The following SH3D19 variants were observed in gnomAD, a reference collection of about 807,000 sequenced individuals.
SH3D19 encodes SH3 domain containing 19.
In SH3D19, 58 loss-of-function variants were observed where a neutral mutation model predicts 112.1. The observed-to-expected ratio is 0.52, with a 90% CI of 0.42 to 0.64. The LOEUF (loss-of-function observed/expected upper bound fraction) is 0.64, where lower values mean the gene tolerates loss of function less well. Among genes scored for constraint, SH3D19 ranks in the 30% least tolerant of loss-of-function variants. The probability of loss-of-function intolerance (pLI) is 0.00; values close to 1 mark genes in which losing one functional copy is unlikely to be tolerated. For missense variants in SH3D19, 1,090 were observed against 1,263.4 expected, an observed-to-expected ratio of 0.86 and a Z score of 2.08; for synonymous variants, 391 against 448.5, an observed-to-expected ratio of 0.87 and a Z score of 1.62.
At chr4:151,283,997 T>C (rs1774500667) in intron 1 of SH3D19, among the ~76,000 whole-genome samples, 2 of 152,230 alleles carry the variant, frequency 1.3e-5, no homozygotes, top group African/African-American at 2.4e-5. Flanking sequence ...GCTTTCAGTA[T>C]TTTTTCTTTA....
intron 1 of SH3D19, chr4:151,228,077 T>C (rs1451769676): frequency 1.0e-6 from 1 of 974,118 alleles, no homozygotes; most frequent in Non-Finnish European, 1.2e-6. Flanking sequence ...TCTACAGTCA[T>C]TTTTATACTT....
intron 2 of SH3D19, among the ~76,000 whole-genome samples, chr4:151,195,046 C>T (rs886779081): frequency 6.8e-6 from 1 of 147,744 alleles, no homozygotes; most frequent in Non-Finnish European, 1.5e-5. Context: ...TGCACTCCAG[C>T]CTAGGCGACA....
intron 2 of SH3D19, among the ~76,000 whole-genome samples, chr4:151,221,159 G>C (rs774203448): frequency 2.0e-5 from 3 of 152,128 alleles, no homozygotes; most frequent in Non-Finnish European, 4.4e-5. Flanking sequence ...ACAGGCAGAC[G>C]TCCCAGATTT....
chr4:151,154,340 G>T (rs1755664490), intron 9 of SH3D19, among the ~76,000 whole-genome samples: 1 of 150,616 alleles, frequency 6.6e-6, no homozygotes, highest in Non-Finnish European at 1.5e-5. Flanking sequence ...CTCCATGTTG[G>T]TCAGGCTGGT....
rs1730737216 is a variant in SH3D19, at chr4:151,323,330, A to T, written c.112+1911T>A. On this transcript the variant is annotated intron_variant, in intron 1 of 19. Transcript: ENST00000604030. ...GGAAAAGTGAAAAACTGAAAAGGTG[A>T]TGCAGAAAAAACATGAAGCTTCTGC... Among the ~76,000 whole-genome samples the T allele has an allele frequency of 2.0e-5, 3 of 152,344 alleles. 1 individual carries two copies. In the South Asian group the frequency reaches 6.2e-4, roughly 32 times the overall value.
chr4:151,166,287 GAT>G (rs1758009697), intron 7 of SH3D19: 1 of 152,180 alleles, frequency 6.6e-6, no homozygotes, highest in African/African-American at 2.4e-5. Flanking sequence ...TTGGGGGAAG[GAT>G]ATATGACTCG....
At chr4:151,136,593 A>G (rs1751904811) in intron 14 of SH3D19, among the ~76,000 whole-genome samples, 1 of 152,002 alleles carries the variant, frequency 6.6e-6, no homozygotes, top group East Asian at 1.9e-4. Flanking sequence ...TGAATTTTAA[A>G]GTTTTGAAGT....
intron 8 of SH3D19, among the ~76,000 whole-genome samples, chr4:151,164,036 G>C (rs1291891854): frequency 6.6e-6 from 1 of 152,154 alleles, no homozygotes; most frequent in Admixed American, 6.5e-5. Context: ...CTACTTGGCT[G>C]AGAGCCATCA....
At chr4:151,314,607 C>T (rs1231401870) in intron 1 of SH3D19, among the ~76,000 whole-genome samples, 4 of 152,158 alleles carry the variant, frequency 2.6e-5, no homozygotes, top group African/African-American at 9.7e-5. Flanking sequence ...AGGAAGGAAA[C>T]AATAAGATCA....
chr4:151,138,684 T>TCACACACACA (rs1491306799), intron 13 of SH3D19, among the ~76,000 whole-genome samples: 13 of 135,780 alleles, frequency 9.6e-5, no homozygotes, highest in African/African-American at 1.6e-4. Flanking sequence ...CAAGATCTTG[T>TCACACACACA]CTCACACACA....
intron 1 of SH3D19, among the ~76,000 whole-genome samples, chr4:151,313,589 T>G (rs535573617): frequency 6.6e-6 from 1 of 152,166 alleles, no homozygotes; most frequent in East Asian, 1.9e-4. Flanking sequence ...CCTAACGTAT[T>G]TTATTTTTTA....
intron 1 of SH3D19, among the ~76,000 whole-genome samples, chr4:151,255,562 G>A (rs920743526): frequency 6.8e-6 from 1 of 147,662 alleles, no homozygotes; most frequent in African/African-American, 2.5e-5. Context: ...CAGGCAGAGG[G>A]GCTCCTCACA....
chr4:151,316,911 G>C (rs545159806), intron 1 of SH3D19, among the ~76,000 whole-genome samples: 8 of 152,174 alleles, frequency 5.3e-5, no homozygotes, highest in African/African-American at 1.9e-4. Flanking sequence ...CCTATGCCCT[G>C]AAACTACCTG....
intron 1 of SH3D19, chr4:151,279,762 G>T: frequency 6.2e-7 from 1 of 1,607,966 alleles, no homozygotes; most frequent in South Asian, 1.1e-5. Flanking sequence ...AGGACTCCTA[G>T]GTTTCCACAT....
chr4:151,127,744 T>C (rs764148000), intron 18 of SH3D19, 29 bp from the exon 19 acceptor site: 14 of 1,360,130 alleles, frequency 1.0e-5, no homozygotes, highest in African/African-American at 9.0e-5. Flanking sequence ...TTTAAATATA[T>C]AGAAACACAG....
Position 151,200,814 on chromosome 4 carries a change from T to C in SH3D19, c.153-13351A>G, listed in dbSNP as rs568147984. On this transcript the variant is annotated intron_variant, in intron 2 of 19. Coordinates refer to ENST00000604030, the MANE Select transcript of SH3D19 (RefSeq NM_001378122.1). ...GTTGCTCATGCAATTGACAAATGAA[T>C]AGAAACTCTGACATATATTTTGGTT... 3.3e-5 allele frequency among the ~76,000 whole-genome samples: 5 copies of C among 152,362 alleles called. No individual in the cohort carries two copies. The South Asian group carries it at 1.0e-3, about 32-fold the overall frequency.
chr4:151,126,050 G>A (rs1211682777), intron 19 of SH3D19, among the ~76,000 whole-genome samples: 5 of 152,120 alleles, frequency 3.3e-5, no homozygotes, highest in Admixed American at 3.3e-4. Context: ...CCCTTACCCC[G>A]ACAAAGGCTG....
chr4:151,264,171 G>A (rs539924246), intron 1 of SH3D19, among the ~76,000 whole-genome samples: 4 of 152,122 alleles, frequency 2.6e-5, no homozygotes, highest in South Asian at 2.1e-4. Flanking sequence ...GCTCACTCAC[G>A]TCTGTAATCC....
In SH3D19 at chr4:151,280,099, C is replaced by T. The variant is rs186063595; in HGVS notation, c.112+45142G>A. 4.4e-4 allele frequency: 432 copies of T among 988,108 alleles called. 3 individuals carry two copies. The African/African-American group carries it at 6.4e-3, about 15-fold the overall frequency. 61.2% of individuals were successfully genotyped at this position (988,108 alleles called of 1,614,324 possible). On this transcript the variant is annotated intron_variant, in intron 1 of 19. Coordinates refer to ENST00000604030, the MANE Select transcript of SH3D19 (RefSeq NM_001378122.1). ...CCAGGTCATGTCAGACTATCAAACC[C>T]GAAACAACTAGAGACAGGGCATAGA...
Sources: allele counts gnomAD v4.1 joint callset (sites outside exome capture counted in the v4.1 genomes callset), GRCh38; gene constraint gnomAD v4.1.1; transcripts MANE v1.5; gene names NCBI Gene and HGNC (gene_info 2026-07-23, HGNC 2026-07-21).